Variants in PCDHB1 observed in about 807,000 individuals in gnomAD.
The protein encoded by PCDHB1 is protocadherin beta-1.
In PCDHB1, 44 loss-of-function variants were observed where a neutral mutation model predicts 43.5. That is an observed-to-expected ratio of 1.01 (90% CI 0.79 to 1.30). The LOEUF is 1.30. Ranked by LOEUF, PCDHB1 falls within the 50% of genes most tolerant of loss-of-function variation. The pLI, the probability that PCDHB1 is intolerant of heterozygous loss-of-function variation, is 0.00. For missense variants in PCDHB1, 919 were observed against 1,008.9 expected (o/e 0.91, Z 1.21); for synonymous variants, 392 against 400.8 (o/e 0.98, Z 0.26).
At position 141,052,434 on chromosome 5, in the gene PCDHB1, A is replaced by G; in HGVS notation, c.964A>G (p.Thr322Ala). ...IETYDIDIQA[T>A]DGGGLSAHSK... ...AACATACGACATTGACATTCAAGCT[A>G]CAGATGGTGGAGGCCTCTCTGCCCA... Residue 322 changes from threonine to alanine, a missense_variant, in exon 1 of 1, where the codon ACA becomes GCA. Physicochemically the swap from Thr to Ala is moderately conservative, Grantham distance 58. Transcript: ENST00000306549. 1 of 1,614,244 alleles carries G rather than the reference A, an allele frequency of 6.2e-7. No homozygotes were observed.
In PCDHB1 at chr5:141,053,515, G is replaced by GAAA. The variant is rs1476895560; in HGVS notation, c.2046_2048dup (p.Lys683dup). The stretch of plus-strand genomic sequence containing the variant: ...TTCCAGGATCCAACCAAGCATTCTA[G>GAAA]AAAGGTAAATCCATCCACTAAATAT... On this transcript the variant is annotated inframe_insertion, in exon 1 of 1. Transcript: ENST00000306549. 4 of 1,614,020 alleles carry GAAA rather than the reference G, an allele frequency of 2.5e-6. No individual in the cohort carries two copies. The highest frequency in any genetic ancestry group is 3.3e-4 in the Middle Eastern group (2 of 6,084).
Position 141,051,610 on chromosome 5 carries a change from A to G in PCDHB1, c.140A>G (p.Asn47Ser), listed in dbSNP as rs1588282169. The G allele has an allele frequency of 1.9e-6, 3 of 1,614,260 alleles. No homozygotes were observed. The highest frequency in any genetic ancestry group is 1.7e-6 in the Non-Finnish European group (2 of 1,180,046). ...EEMESGSFVA[N>S]VAKDLGLEVG... ...ATGGAGAGCGGCTCGTTTGTGGCCA[A>G]CGTAGCTAAGGACCTAGGACTGGAG... is the stretch of plus-strand genomic sequence containing the variant. Residue 47 changes from asparagine (N) to serine (S), a missense_variant, in exon 1 of 1, where the codon AAC (asparagine) becomes AGC (serine). Asn to Ser is a conservative substitution (Grantham distance 46, BLOSUM62 1). Transcript: ENST00000306549.
chr5:141,051,977 C>CTA lies in PCDHB1; in HGVS notation c.508_509dup (p.Leu172ProfsTer2), dbSNP rs371875057. 1.8e-4 allele frequency: 293 copies of CTA among 1,614,190 alleles called. 6 individuals are homozygous for CTA. In the African/African-American group the frequency reaches 3.5e-3, roughly 19 times the overall value. On this transcript the variant is annotated frameshift_variant, in exon 1 of 1. Coordinates refer to ENST00000306549, the MANE Select transcript of PCDHB1 (RefSeq NM_013340.4). LOFTEE classifies it high-confidence loss of function. Reference sequence around the variant, plus strand: ...ACGTGGGCCTTAACGGTCTCCAGAACTACACCCTGAGTGCCAATGGGTATT... The same window carrying CTA: ...ACGTGGGCCTTAACGGTCTCCAGAACTATACACCCTGAGTGCCAATGGGTATT...
chr5:141,051,655 G>T lies in PCDHB1; in HGVS notation c.185G>T (p.Arg62Leu). The T allele has an allele frequency of 6.2e-7, 1 of 1,614,254 alleles. No homozygotes were observed. Among genetic ancestry groups the T allele is most frequent in the Non-Finnish European group, 8.5e-7 (1 of 1,180,044 alleles). The change falls in exon 1 of 1, where the codon CGC (arginine) becomes CTC (leucine). Residue 62 changes from arginine to leucine, a missense_variant. Physicochemically the swap from Arg to Leu is moderately radical, Grantham distance 102. Transcript: ENST00000306549. Reference sequence around the variant, plus strand: ...CTGGAGGTAGGGAAGCTGGCTGCGCGCGGGGCGCGGCTGGTTTCCGAGGGC... The same window carrying T: ...CTGGAGGTAGGGAAGCTGGCTGCGCTCGGGGCGCGGCTGGTTTCCGAGGGC... ...LGLEVGKLAA[R>L]GARLVSEGNK...
At position 141,059,180 on chromosome 5, in the gene PCDHB1, A is replaced by T. The variant is rs558533618; in HGVS notation, c.*5253A>T. On this transcript the variant is annotated 3_prime_UTR_variant, in exon 1 of 1. Transcript: ENST00000306549. ...AAAATAGATATAAACTGAAAATTTT[A>T]AAATTTGTTGTGCAGACATGTTTAT... 57 of 152,256 alleles carry T rather than the reference A, an allele frequency of 3.7e-4. No homozygotes were observed. Among genetic ancestry groups the T allele is most frequent in the African/African-American group, 1.1e-3 (46 of 41,578 alleles). 9.4% of individuals were successfully genotyped at this position (152,256 alleles called of 1,614,324 possible).
rs1750985460 is a variant in PCDHB1, at chr5:141,051,953, C to T, written c.483C>T (p.Asp161=). The change falls in exon 1 of 1, where the codon GAC becomes GAT. Residue 161 remains aspartate, a synonymous_variant. Coordinates refer to ENST00000306549, the MANE Select transcript of PCDHB1 (RefSeq NM_013340.4). Reference sequence around the variant, plus strand: ...CTCTGCAGAGCGCCCAGGATCTGGACGTGGGCCTTAACGGTCTCCAGAACT... The same window carrying T: ...CTCTGCAGAGCGCCCAGGATCTGGATGTGGGCCTTAACGGTCTCCAGAACT... ...RFPLQSAQDL[D]VGLNGLQNYT... is the part of the protein sequence containing the mutation. The T allele has an allele frequency of 6.2e-7, 1 of 1,614,108 alleles. No individual in the cohort carries two copies. The highest frequency in any genetic ancestry group is 8.5e-7 in the Non-Finnish European group (1 of 1,180,032).
At position 141,058,443 on chromosome 5, in the gene PCDHB1, G is replaced by A. The variant is rs1751176504; in HGVS notation, c.*4516G>A. On this transcript the variant is annotated 3_prime_UTR_variant, in exon 1 of 1. Transcript: ENST00000306549. Reference sequence around the variant, plus strand: ...GTATCCTTTTCAGTGCATCACGTCAGCAGGTATGTGATGCCAATGTCACAC... The same window carrying A: ...GTATCCTTTTCAGTGCATCACGTCAACAGGTATGTGATGCCAATGTCACAC... 1 of 152,146 alleles carries A rather than the reference G, an allele frequency of 6.6e-6. No homozygotes were observed. The highest frequency in any genetic ancestry group is 6.6e-5 in the Admixed American group (1 of 15,262). 9.4% of individuals were successfully genotyped at this position (152,146 alleles called of 1,614,324 possible). A position where few individuals can be genotyped will look rare whatever the true frequency, so the allele number is the denominator to read the frequency against.
Position 141,052,310 on chromosome 5 carries a change from T to C in PCDHB1, c.840T>C (p.Ser280=). The change falls in exon 1 of 1, where the codon TCT becomes TCC. Residue 280 remains serine (S), a synonymous_variant. Transcript: ENST00000306549. ...GCACCAACAAAGCGATAACTTACTC[T>C]TTAGCTCAAAACCCAGAAGCAATTC... The part of the protein sequence containing the change: ...DEGTNKAITY[S]LAQNPEAILK... 1.2e-6 allele frequency: 2 copies of C among 1,614,208 alleles called. No homozygotes were observed. The highest frequency in any genetic ancestry group is 1.7e-6 in the Non-Finnish European group (2 of 1,180,038).
Position 141,051,965 on chromosome 5 carries a change from C to T in PCDHB1, c.495C>T (p.Asn165=), listed in dbSNP as rs1554267151. The T allele has an allele frequency of 3.7e-6, 6 of 1,614,068 alleles. 1 individual carries two copies. The South Asian group carries it at 6.6e-5, about 18-fold the overall frequency. ...CCCAGGATCTGGACGTGGGCCTTAA[C>T]GGTCTCCAGAACTACACCCTGAGTG... ...QSAQDLDVGL[N]GLQNYTLSAN... is the part of the protein sequence containing the mutation. The change falls in exon 1 of 1, where the codon AAC becomes AAT. Residue 165 remains asparagine, a synonymous_variant. Transcript: ENST00000306549.
Position 141,053,216 on chromosome 5 carries a change from G to T in PCDHB1, c.1746G>T (p.Glu582Asp). 1 of 1,614,236 alleles carries T rather than the reference G, an allele frequency of 6.2e-7. No homozygotes were observed. The highest frequency in any genetic ancestry group is 8.5e-7 in the Non-Finnish European group (1 of 1,180,050). Residue 582 changes from glutamate (E) to aspartate (D), a missense_variant, in exon 1 of 1, where the codon GAG (glutamate) becomes GAT (aspartate). Glu to Asp is a conservative substitution (Grantham distance 45). Coordinates refer to ENST00000306549, the MANE Select transcript of PCDHB1 (RefSeq NM_013340.4). ...PCNDLVPRSA[E>D]AGYLVTKVVA... ...ATGACCTGGTGCCCAGGTCTGCAGA[G>T]GCAGGCTACCTAGTGACCAAAGTGG... is the stretch of plus-strand genomic sequence containing the variant.
rs1588287362 is a variant in PCDHB1, at chr5:141,058,232, G to T, written c.*4305G>T. On this transcript the variant is annotated 3_prime_UTR_variant, in exon 1 of 1. Coordinates refer to ENST00000306549, the MANE Select transcript of PCDHB1 (RefSeq NM_013340.4). The stretch of plus-strand genomic sequence containing the variant: ...CAATCCAGGATCCTGCAAAGCATTT[G>T]TTATGGCTCCTTAGTCTCTACCACC... The T allele has an allele frequency of 6.6e-6, 1 of 152,240 alleles. No individual in the cohort carries two copies. The highest frequency in any genetic ancestry group is 1.9e-4 in the East Asian group (1 of 5,188). 9.4% of individuals were successfully genotyped at this position (152,240 alleles called of 1,614,324 possible).
Position 141,052,032 on chromosome 5 carries a change from G to T in PCDHB1, c.562G>T (p.Gly188Trp). 1 of 1,614,116 alleles carries T rather than the reference G, an allele frequency of 6.2e-7. No individual in the cohort carries two copies. The highest frequency in any genetic ancestry group is 1.3e-5 in the African/African-American group (1 of 75,048). ...FHLHTRFCSH[G>W]PKYAELVLNK... The stretch of plus-strand genomic sequence containing the variant: ...CCTGCACACCCGCTTCTGCAGCCAC[G>T]GGCCTAAATATGCTGAGCTGGTGCT... The change falls in exon 1 of 1, where the codon GGG becomes TGG. Residue 188 changes from glycine (G) to tryptophan (W), a missense_variant. Transcript: ENST00000306549.
In PCDHB1 at chr5:141,051,898, C is replaced by A; in HGVS notation, c.428C>A (p.Pro143Gln). ...AACAAGGAGCCGCTTTTAAAGATTC[C>A]GGAGAGCACCCCTTTGGGTTCACGT... ...FLNKEPLLKI[P>Q]ESTPLGSRFP... The change falls in exon 1 of 1, where the codon CCG becomes CAG. Residue 143 changes from proline (P) to glutamine (Q), a missense_variant. Pro to Gln is a moderately conservative substitution (Grantham distance 76). Coordinates refer to ENST00000306549, the MANE Select transcript of PCDHB1 (RefSeq NM_013340.4). The A allele has an allele frequency of 1.2e-6, 2 of 1,614,140 alleles. No homozygotes were observed. The highest frequency in any genetic ancestry group is 1.7e-6 in the Non-Finnish European group (2 of 1,180,032).
Position 141,052,495 on chromosome 5 carries a change from ACAAT to A in PCDHB1, c.1027_1030del (p.Asn343LeufsTer4), listed in dbSNP as rs1189184342. On this transcript the variant is annotated frameshift_variant, in exon 1 of 1. Transcript: ENST00000306549. LOFTEE classifies it high-confidence loss of function. The stretch of plus-strand genomic sequence containing the variant: ...CTGGTAGAAGTGGTGGATGTGAATG[ACAAT>A]CCTCCCGAAGTGATGGTCTCCTCTG... 1.9e-5 allele frequency: 30 copies of A among 1,614,174 alleles called. No homozygotes were observed. Among genetic ancestry groups the A allele is most frequent in the Non-Finnish European group, 2.5e-5 (29 of 1,180,014 alleles).
At position 141,052,112 on chromosome 5, in the gene PCDHB1, G is replaced by T. The variant is rs1235240765; in HGVS notation, c.642G>T (p.Ala214=). ...CTGAAGTCAACTTGACAATTACGGC[G>T]GTGGACGGCGGGTCCCCGCCTAAGT... ...EQPEVNLTIT[A]VDGGSPPKSG... is the part of the protein sequence containing the mutation. Residue 214 remains alanine (A), a synonymous_variant, in exon 1 of 1, where the codon GCG becomes GCT. Coordinates refer to ENST00000306549, the MANE Select transcript of PCDHB1 (RefSeq NM_013340.4). The T allele has an allele frequency of 6.2e-7, 1 of 1,612,850 alleles. No individual in the cohort carries two copies. Among genetic ancestry groups the T allele is most frequent in the African/African-American group, 1.3e-5 (1 of 74,902 alleles).
In PCDHB1 at chr5:141,058,777, T is replaced by C. The variant is rs1246393952; in HGVS notation, c.*4850T>C. On this transcript the variant is annotated 3_prime_UTR_variant, in exon 1 of 1. Coordinates refer to ENST00000306549, the MANE Select transcript of PCDHB1 (RefSeq NM_013340.4). Reference sequence around the variant, plus strand: ...TAATATTGTGGCATTCTAATGGTGATTTTCTATTTCTCTATTTCCTTTTAC... The same window carrying C: ...TAATATTGTGGCATTCTAATGGTGACTTTCTATTTCTCTATTTCCTTTTAC... The C allele has an allele frequency of 2.0e-5, 3 of 152,198 alleles. No homozygotes were observed. The highest frequency in any genetic ancestry group is 6.5e-5 in the Admixed American group (1 of 15,280). 9.4% of individuals were successfully genotyped at this position (152,198 alleles called of 1,614,324 possible).
At position 141,053,121 on chromosome 5, in the gene PCDHB1, G is replaced by T; in HGVS notation, c.1651G>T (p.Val551Phe). ...SLSSQVTVRV[V>F]VLDDNDNRPM... ...GAGTAGCCAAGTTACTGTCAGAGTG[G>T]TTGTCCTAGATGACAATGACAATCG... Residue 551 changes from valine (V) to phenylalanine (F), a missense_variant, in exon 1 of 1, where the codon GTT becomes TTT. Transcript: ENST00000306549. 1 of 1,614,162 alleles carries T rather than the reference G, an allele frequency of 6.2e-7. No homozygotes were observed. The highest frequency in any genetic ancestry group is 8.5e-7 in the Non-Finnish European group (1 of 1,180,018).
In PCDHB1 at chr5:141,058,527, T is replaced by C. The variant is rs1751178090; in HGVS notation, c.*4600T>C. The C allele has an allele frequency of 6.6e-6, 1 of 152,206 alleles. No homozygotes were observed. Among genetic ancestry groups the C allele is most frequent in the Admixed American group, 6.5e-5 (1 of 15,278 alleles). 9.4% of individuals were successfully genotyped at this position (152,206 alleles called of 1,614,324 possible). On this transcript the variant is annotated 3_prime_UTR_variant, in exon 1 of 1. Coordinates refer to ENST00000306549, the MANE Select transcript of PCDHB1 (RefSeq NM_013340.4). Reference sequence around the variant, plus strand: ...GGTAAAGAACTTATAAAATGTACCATGTTAGCCATTTTTAAGTATGTTAGC... The same window carrying C: ...GGTAAAGAACTTATAAAATGTACCACGTTAGCCATTTTTAAGTATGTTAGC...
In PCDHB1 at chr5:141,052,848, A is replaced by T; in HGVS notation, c.1378A>T (p.Thr460Ser). ...ATTTCGGGAAGATTCCTATATCTTGACTGTTCGAGAAAACAACAGTCCTGC... is the reference window on the plus strand; with the variant it reads ...ATTTCGGGAAGATTCCTATATCTTGTCTGTTCGAGAAAACAACAGTCCTGC... ...PIFREDSYIL[T>S]VRENNSPAVF... The change falls in exon 1 of 1, where the codon ACT (threonine) becomes TCT (serine). Residue 460 changes from threonine (T) to serine (S), a missense_variant. By Grantham distance (58) the Thr-to-Ser change is moderately conservative. Coordinates refer to ENST00000306549, the MANE Select transcript of PCDHB1 (RefSeq NM_013340.4). 6.2e-7 allele frequency: 1 copy of T among 1,614,198 alleles called. No homozygotes were observed. Among genetic ancestry groups the T allele is most frequent in the Non-Finnish European group, 8.5e-7 (1 of 1,180,030 alleles).
Sources: allele counts gnomAD v4.1 joint callset, GRCh38; gene constraint gnomAD v4.1.1; transcripts MANE v1.5; gene names NCBI Gene and HGNC (gene_info 2026-07-23, HGNC 2026-07-21).